The following SNAP91 variants were observed in gnomAD, a reference collection of about 807,000 sequenced individuals.
SNAP91 encodes synaptosome associated protein 91.
Under a neutral mutation model 100.3 loss-of-function variants are expected in SNAP91, and 27 were observed. That is an observed-to-expected ratio of 0.27 (90% CI 0.20 to 0.37). The LOEUF is 0.37. Among genes scored for constraint, SNAP91 ranks in the 10% least tolerant of loss-of-function variants. The pLI is 1.00. For missense variants in SNAP91, 986 were observed against 1,123.7 expected, an observed-to-expected ratio of 0.88 and a Z score of 1.75; for synonymous variants, 404 against 398.6, an observed-to-expected ratio of 1.01 and a Z score of -0.16.
chr6:83,617,172 G>T (rs939726589), intron 9 of SNAP91, 133 bp from the exon 10 acceptor site: 1 of 510,208 alleles, frequency 2.0e-6, no homozygotes, highest in Admixed American at 3.7e-5. Context: ...TTAATTGCAG[G>T]TTCTTTTAGT....
intron 2 of SNAP91, among the ~76,000 whole-genome samples, chr6:83,677,195 T>C (rs1399144650): frequency 6.6e-6 from 1 of 152,076 alleles, no homozygotes; most frequent in Non-Finnish European, 1.5e-5. Flanking sequence ...TTGAGACACA[T>C]CCAAAGGGAT....
At chr6:83,649,255 G>A (rs915483725) in intron 7 of SNAP91, among the ~76,000 whole-genome samples, 1 of 152,172 alleles carries the variant, frequency 6.6e-6, no homozygotes, top group Non-Finnish European at 1.5e-5. Context: ...TAGTCAAACT[G>A]CTGGCCATGC....
At chr6:83,632,381 T>G (rs886750951) in intron 8 of SNAP91, among the ~76,000 whole-genome samples, 5 of 152,218 alleles carry the variant, frequency 3.3e-5, no homozygotes, top group African/African-American at 9.6e-5. Context: ...AATGTTCTTT[T>G]TGTGATGAAT....
intron 2 of SNAP91, among the ~76,000 whole-genome samples, chr6:83,697,950 T>C (rs1211146805): frequency 6.6e-6 from 1 of 151,906 alleles, no homozygotes; most frequent in Non-Finnish European, 1.5e-5. Flanking sequence ...CTGAAGAGAA[T>C]CCCACTATAG....
At position 83,623,310 on chromosome 6, in the gene SNAP91, G is replaced by A; in HGVS notation, c.798C>T (p.Asp266=). ...QVGIDKGDIP[D]LTQAPSSLME... is the part of the protein sequence containing the mutation. ...TGGGAGAGTTGCTTACCTGTGTGAGGTCAGGAATGTCACCTTTATCAATAC... is the reference window on the plus strand; with the variant it reads ...TGGGAGAGTTGCTTACCTGTGTGAGATCAGGAATGTCACCTTTATCAATAC... The change falls in exon 9 of 30, where the codon GAC becomes GAT. Residue 266 remains aspartate, a synonymous_variant. Coordinates refer to ENST00000369694, the MANE Select transcript of SNAP91 (RefSeq NM_001242792.2). 1 of 1,607,756 alleles carries A rather than the reference G, an allele frequency of 6.2e-7. No homozygotes were observed. The highest frequency in any genetic ancestry group is 1.1e-5 in the South Asian group (1 of 89,834).
At chr6:83,663,211 T>C (rs1208016675) in intron 3 of SNAP91, among the ~76,000 whole-genome samples, 1 of 152,044 alleles carries the variant, frequency 6.6e-6, no homozygotes, top group African/African-American at 2.4e-5. Flanking sequence ...CACAAAAATA[T>C]TGCAATTAAG....
chr6:83,628,375 C>T (rs1416705141), intron 8 of SNAP91, among the ~76,000 whole-genome samples: 2 of 151,678 alleles, frequency 1.3e-5, no homozygotes, highest in African/African-American at 4.8e-5. Context: ...TAGATACCCA[C>T]TAGTGGGATT....
intron 14 of SNAP91, among the ~76,000 whole-genome samples, chr6:83,602,889 C>T (rs555355201): frequency 2.0e-4 from 31 of 152,132 alleles, no homozygotes; most frequent in South Asian, 4.1e-4. Context: ...ATAATGCATG[C>T]GGGGCTTAAA....
At chr6:83,701,537 C>G (rs1471605670) in intron 2 of SNAP91, among the ~76,000 whole-genome samples, 1 of 151,908 alleles carries the variant, frequency 6.6e-6, no homozygotes, top group Non-Finnish European at 1.5e-5. Context: ...ACCTCCGCCT[C>G]TCGGGTTCAA....
chr6:83,572,046 A>G (rs1046068033), intron 26 of SNAP91, among the ~76,000 whole-genome samples: 27 of 152,168 alleles, frequency 1.8e-4, no homozygotes, highest in African/African-American at 6.5e-4. Flanking sequence ...AGGCCTCCCC[A>G]GCCATGAGTC....
intron 8 of SNAP91, among the ~76,000 whole-genome samples, chr6:83,634,614 A>G (rs1284885140): frequency 3.3e-5 from 5 of 152,074 alleles, no homozygotes; most frequent in African/African-American, 1.2e-4. Flanking sequence ...CCCAGTCACC[A>G]CGATCCCCAC....
intron 2 of SNAP91, among the ~76,000 whole-genome samples, chr6:83,688,557 G>C (rs1426110451): frequency 6.7e-6 from 1 of 148,398 alleles, no homozygotes; most frequent in African/African-American, 2.5e-5. Flanking sequence ...AGGCTGGAGT[G>C]CAGTGGTGCA....
At chr6:83,656,223 A>G (rs1339525199) in intron 7 of SNAP91, among the ~76,000 whole-genome samples, 1 of 152,204 alleles carries the variant, frequency 6.6e-6, no homozygotes, top group Non-Finnish European at 1.5e-5. Context: ...AGAGAGCATG[A>G]GACTATATTC....
intron 10 of SNAP91, 37 bp downstream of exon 10, chr6:83,616,932 T>G: frequency 7.7e-7 from 1 of 1,291,852 alleles, no homozygotes. Context: ...GACTGTAGTA[T>G]TTTTCATCTT....
At chr6:83,653,548 AGCCTATT>A (rs1426028950) in intron 7 of SNAP91, among the ~76,000 whole-genome samples, 85 of 152,204 alleles carry the variant, frequency 5.6e-4, no homozygotes, top group African/African-American at 2.0e-3. Context: ...TGGAGCCCTT[AGCCTATT>A]AATCATAATT....
At chr6:83,708,271 T>C (rs910863714) in intron 1 of SNAP91, 176 of 241,428 alleles carry the variant, frequency 7.3e-4, no homozygotes, top group Non-Finnish European at 1.1e-3. Flanking sequence ...ATCAGCACTT[T>C]CCCCGCAACC....
chr6:83,577,615 A>G (rs1199464794), intron 24 of SNAP91, among the ~76,000 whole-genome samples: 1 of 152,166 alleles, frequency 6.6e-6, no homozygotes, highest in Non-Finnish European at 1.5e-5. Context: ...GATGGAGATT[A>G]GCATGCAGGA....
intron 2 of SNAP91, among the ~76,000 whole-genome samples, chr6:83,682,800 T>A (rs1402077519): frequency 6.8e-6 from 1 of 147,654 alleles, no homozygotes; most frequent in Non-Finnish European, 1.5e-5. Context: ...GTTCTCATTG[T>A]TCAATTCCCT....
chr6:83,571,448 G>C (rs1807546062), intron 26 of SNAP91, among the ~76,000 whole-genome samples: 1 of 152,150 alleles, frequency 6.6e-6, no homozygotes, highest in Non-Finnish European at 1.5e-5. Context: ...TATAAGACTT[G>C]GCGTCAAAGG....
Sources: gnomAD v4.1 joint callset for allele counts (sites outside exome capture counted in the v4.1 genomes callset) on GRCh38, gnomAD v4.1.1 for gene constraint, MANE v1.5 for transcripts, NCBI Gene and HGNC (gene_info 2026-07-23, HGNC 2026-07-21) for gene names.